POLK: variants seen among roughly 807,000 people sequenced by gnomAD.
POLK encodes the protein polymerase (DNA directed) kappa.
POLK carries 76 observed loss-of-function variants against 94.0 expected under a neutral mutation model. The ratio of observed to expected loss-of-function variants is 0.81; its 90% confidence interval spans 0.67 to 0.98. The LOEUF (loss-of-function observed/expected upper bound fraction) is 0.98. Ranked by LOEUF, POLK falls within the 50% of genes least tolerant of loss-of-function variation. The pLI is 0.00. For missense variants in POLK, 954 were observed against 1,010.1 expected, an observed-to-expected ratio of 0.94 and a Z score of 0.75; for synonymous variants, 349 against 325.4, an observed-to-expected ratio of 1.07 and a Z score of -0.78.
At chr5:75,593,895 TAAGTTG>T in exon 12 of POLK, 1 of 1,583,322 alleles carries the variant, frequency 6.3e-7, no homozygotes, top group Non-Finnish European at 8.7e-7. Context: ...CTGTTACCAT[TAAGTTG>T]AAGAATGTGA....
In POLK at chr5:75,530,792, A is replaced by AT. The variant is rs1268034963; in HGVS notation, c.-13-16211dup. Among the ~76,000 whole-genome samples the AT allele has an allele frequency of 2.1e-5, 3 of 145,636 alleles. 1 individual carries two copies. Among genetic ancestry groups the AT allele is most frequent in the South Asian group, 4.3e-4 (2 of 4,636 alleles). The stretch of plus-strand genomic sequence containing the variant: ...CTGTAGCAGTTTTTGCCCTCTTGAA[A>AT]TTTTTTTCTTTTCTTTTCTTTTTTT... On this transcript the variant is annotated intron_variant, in intron 1 of 14. Coordinates refer to ENST00000241436, the Ensembl canonical transcript of POLK.
At chr5:75,542,676 CAT>C (rs1293924301) in intron 1 of POLK, among the ~76,000 whole-genome samples, 1 of 146,632 alleles carries the variant, frequency 6.8e-6, no homozygotes, top group African/African-American at 2.5e-5. Flanking sequence ...CACATATATA[CAT>C]ATATATACAT....
chr5:75,594,423 G>T (rs1396078466), intron 12 of POLK, among the ~76,000 whole-genome samples: 2 of 152,150 alleles, frequency 1.3e-5, no homozygotes, highest in Non-Finnish European at 2.9e-5. Flanking sequence ...AGACCCTGAT[G>T]TGTGAAGCCA....
At chr5:75,584,705 C>T in intron 8 of POLK, 55 bp from the exon 9 acceptor site, 2 of 1,041,430 alleles carry the variant, frequency 1.9e-6, no homozygotes, top group East Asian at 2.7e-5. Context: ...GTTGTAATCT[C>T]AATTTTTAGC....
rs144044330 is a variant in POLK, at chr5:75,584,888, T to C, written c.1188T>C (p.Leu396=). The change falls in exon 9 of 15, where the codon CTT becomes CTC. Residue 396 remains leucine, a synonymous_variant. Coordinates refer to ENST00000241436, the Ensembl canonical transcript of POLK. The stretch of plus-strand genomic sequence containing the variant: ...CTGAAACATCTTGGCATTATTTCCT[T>C]CATATCTCCTTGGGTCTAGGTTCAA... 2.7e-5 allele frequency: 44 copies of C among 1,606,996 alleles called. 1 individual carries two copies. The East Asian group carries it at 9.6e-4, about 35-fold the overall frequency.
intron 3 of POLK, among the ~76,000 whole-genome samples, chr5:75,553,087 G>A (rs1318787307): frequency 6.6e-6 from 1 of 152,146 alleles, no homozygotes; most frequent in Non-Finnish European, 1.5e-5. Flanking sequence ...AATGCCAAAT[G>A]TACATGAACT....
chr5:75,524,805 A>G (rs1488369837), intron 1 of POLK, among the ~76,000 whole-genome samples: 1 of 152,176 alleles, frequency 6.6e-6, no homozygotes, highest in Non-Finnish European at 1.5e-5. Flanking sequence ...ATTCTGTCCA[A>G]AAGAACCAGG....
intron 1 of POLK, among the ~76,000 whole-genome samples, chr5:75,521,390 G>A (rs1768579173): frequency 6.6e-6 from 1 of 151,708 alleles, no homozygotes; most frequent in South Asian, 2.1e-4. Context: ...AGCCTCTAAT[G>A]AATTTTTTAG....
chr5:75,553,104 A>G (rs1327897363), intron 3 of POLK, among the ~76,000 whole-genome samples: 1 of 152,214 alleles, frequency 6.6e-6, no homozygotes, highest in Admixed American at 6.5e-5. Flanking sequence ...AACTTTTAAG[A>G]CAAAACACAA....
intron 6 of POLK, among the ~76,000 whole-genome samples, chr5:75,579,817 T>C (rs5744663): frequency 0.36 from 54,311 of 151,308 alleles, 12,012 homozygotes; most frequent in African/African-American, 0.63. Context: ...GAGGCTGAGG[T>C]GGGAGGATCA....
At chr5:75,511,258 C>G (rs780957038), upstream of POLK, 1 of 1,599,608 alleles carries the variant, frequency 6.3e-7, no homozygotes, top group Non-Finnish European at 8.5e-7. Flanking sequence ...TCAGCTGCGC[C>G]GGAGGAGGCG....
chr5:75,527,176 T>C (rs73120840), intron 1 of POLK, among the ~76,000 whole-genome samples: 1,870 of 152,212 alleles, frequency 0.012, 38 homozygotes, highest in African/African-American at 0.043. Flanking sequence ...CTAAAAAGAA[T>C]TATATAATCA....
exon 5 of POLK, chr5:75,573,807 C>T: frequency 1.2e-6 from 2 of 1,613,074 alleles, no homozygotes; most frequent in Non-Finnish European, 1.7e-6. Context: ...TGCTAAGAGG[C>T]TGTGCCCACA....
intron 1 of POLK, among the ~76,000 whole-genome samples, chr5:75,544,056 T>C (rs780370670): frequency 3.3e-5 from 5 of 152,122 alleles, no homozygotes; most frequent in Non-Finnish European, 7.4e-5. Context: ...GGGCTGGTGT[T>C]GAACTCCTGG....
intron 1 of POLK, among the ~76,000 whole-genome samples, chr5:75,513,373 T>G (rs983827654): frequency 1.2e-4 from 19 of 152,172 alleles, no homozygotes; most frequent in African/African-American, 4.3e-4. Flanking sequence ...TTTTACCATT[T>G]AAGTCTCCAA....
intron 12 of POLK, 23 bp from the exon 13 acceptor site, chr5:75,596,199 T>G: frequency 7.5e-7 from 1 of 1,326,474 alleles, no homozygotes; most frequent in East Asian, 2.3e-5. Context: ...AATTTGAAAT[T>G]GATTGTGATT....
At chr5:75,546,494 A>G (rs915915089) in intron 1 of POLK, among the ~76,000 whole-genome samples, 8 of 152,034 alleles carry the variant, frequency 5.3e-5, no homozygotes, top group Admixed American at 2.6e-4. Context: ...CTGAGTAATA[A>G]TTTTTAGTAG....
chr5:75,557,530 C>T (rs1006429330), intron 3 of POLK, among the ~76,000 whole-genome samples: 3 of 152,202 alleles, frequency 2.0e-5, no homozygotes, highest in Non-Finnish European at 2.9e-5. Context: ...ACCCATTATA[C>T]AGTTGAAAAA....
intron 1 of POLK, among the ~76,000 whole-genome samples, chr5:75,531,863 G>A (rs900060309): frequency 7.8e-4 from 118 of 152,052 alleles, no homozygotes; most frequent in African/African-American, 2.7e-3. Flanking sequence ...TGAGCACAGC[G>A]TAGTTAAATG....
Sources: allele counts gnomAD v4.1 joint callset (sites outside exome capture counted in the v4.1 genomes callset), GRCh38; gene constraint gnomAD v4.1.1; transcripts MANE v1.5; gene names NCBI Gene and HGNC (gene_info 2026-07-23, HGNC 2026-07-21).